The following ZNF454 variants were observed in gnomAD, a reference collection of about 807,000 sequenced individuals.
ZNF454 encodes zinc finger protein 454.
Under a neutral mutation model 48.2 loss-of-function variants are expected in ZNF454, and 30 were observed. The ratio of observed to expected loss-of-function variants is 0.62; its 90% CI spans 0.47 to 0.84. The LOEUF is 0.84. Among genes scored for constraint, ZNF454 ranks in the 40% least tolerant of loss-of-function variants. The probability of loss-of-function intolerance (pLI) is 0.00; values close to 1 mark genes in which losing one functional copy is unlikely to be tolerated. For missense variants in ZNF454, 510 were observed against 623.1 expected (o/e 0.82, Z 1.93); for synonymous variants, 204 against 211.4 (o/e 0.97, Z 0.30).
chr5:178,984,176 G>C, the ZNF454 span, among the ~76,000 whole-genome samples: 1 of 151,622 alleles, frequency 6.6e-6, no homozygotes, highest in South Asian at 2.1e-4. Context: ...AAGGCTCCAG[G>C]TGGAAAAAAA....
intron 4 of ZNF454, among the ~76,000 whole-genome samples, chr5:178,954,909 A>T (rs1759688565): frequency 6.6e-6 from 1 of 152,216 alleles, no homozygotes; most frequent in East Asian, 1.9e-4. Context: ...ATTGCTGAGT[A>T]GCCTCCCACT....
the ZNF454 span, among the ~76,000 whole-genome samples, chr5:178,974,264 T>C: frequency 6.6e-6 from 1 of 152,196 alleles, no homozygotes; most frequent in African/African-American, 2.4e-5. Flanking sequence ...TCTTTAGTCA[T>C]GAACTTGTGT....
At chr5:178,979,563 G>A in the ZNF454 span, 8 of 152,208 alleles carry the variant, frequency 5.3e-5, no homozygotes, top group Admixed American at 2.6e-4. Flanking sequence ...TGTGAAAGTC[G>A]TCTGCGGGAA....
At chr5:178,976,074 C>G in the ZNF454 span, 1 of 446,890 alleles carries the variant, frequency 2.2e-6, no homozygotes, top group African/African-American at 2.0e-5. Context: ...AAACACCAGG[C>G]CGACCCCTGC....
At position 178,941,212 on chromosome 5, in the gene ZNF454, GACTCCA is replaced by G. The variant is rs878928981; in HGVS notation, c.-339_-334del. 2 of 359,170 alleles carry G rather than the reference GACTCCA, an allele frequency of 5.6e-6. No homozygotes were observed. Among genetic ancestry groups the G allele is most frequent in the South Asian group, 4.1e-5 (2 of 48,782 alleles). The allele number at this position is 359,170 out of a possible 1,614,324, so 22.2% of individuals were successfully genotyped here. A position where few individuals can be genotyped will look rare whatever the true frequency, so the allele number is the denominator to read the frequency against. On this transcript the variant is annotated 5_prime_UTR_variant, in exon 1 of 5. Transcript: ENST00000519564. This position sits in a 1 kb window ranked among gnomAD's most constrained non-coding sequence, Gnocchi z 5.5. ...AAGCGCAGTTCGGCTCCCGGCTGCA[GACTCCA>G]GCTCATTGTGTTCTGACTGCGATGT...
At chr5:178,957,449 G>A (rs1198957208) in intron 4 of ZNF454, among the ~76,000 whole-genome samples, 1 of 150,640 alleles carries the variant, frequency 6.6e-6, no homozygotes, top group Non-Finnish European at 1.5e-5. Context: ...TTACTCAGTC[G>A]CCCAGGCTGG....
the ZNF454 span, chr5:178,985,498 T>G: frequency 2.6e-5 from 9 of 342,902 alleles, no homozygotes; most frequent in South Asian, 4.4e-5. Flanking sequence ...GGTCAGGAGA[T>G]CGAGACCATC....
the ZNF454 span, chr5:178,981,870 G>C: frequency 2.6e-6 from 4 of 1,553,380 alleles, no homozygotes; most frequent in Non-Finnish European, 3.6e-6. The surrounding 1 kb of genome is among the most constrained non-coding windows in gnomAD (Gnocchi z 5.1). Flanking sequence ...CCATGGAAGA[G>C]GGGACCAGAT....
intron 4 of ZNF454, among the ~76,000 whole-genome samples, chr5:178,958,413 T>G (rs966594750): frequency 1.3e-5 from 2 of 152,266 alleles, no homozygotes; most frequent in African/African-American, 4.8e-5. Context: ...TTGTTGTCAC[T>G]TGGAACAATA....
chr5:178,976,067 C>T, the ZNF454 span: 2 of 442,808 alleles, frequency 4.5e-6, no homozygotes, highest in Non-Finnish European at 9.1e-6. Flanking sequence ...GTCCCCAAAA[C>T]ACCAGGCCGA....
the ZNF454 span, chr5:178,987,422 C>T: frequency 2.2e-6 from 1 of 458,886 alleles, no homozygotes. Flanking sequence ...CGTCCACTGA[C>T]AGAAGAATGG....
the ZNF454 span, chr5:178,986,650 G>C: frequency 6.2e-7 from 1 of 1,602,674 alleles, no homozygotes; most frequent in Non-Finnish European, 8.5e-7. Flanking sequence ...CCAACAGCAG[G>C]GGACGCCCTT....
At chr5:178,986,500 CA>C in the ZNF454 span, 1 of 1,609,864 alleles carries the variant, frequency 6.2e-7, no homozygotes, top group East Asian at 2.2e-5. Flanking sequence ...CGGGGCTGCC[CA>C]GGGGGAGGAC....
the ZNF454 span, among the ~76,000 whole-genome samples, chr5:178,972,848 T>C: frequency 0.11 from 16,842 of 152,022 alleles, 1,355 homozygotes; most frequent in African/African-American, 0.23. Flanking sequence ...GGCAGCAGTT[T>C]TTACCTATCT....
At chr5:178,959,350 C>T (rs1309814203) in intron 4 of ZNF454, among the ~76,000 whole-genome samples, 3 of 152,080 alleles carry the variant, frequency 2.0e-5, no homozygotes, top group Admixed American at 2.0e-4. Context: ...TGTTTCTGGA[C>T]TCTATTCTCT....
chr5:178,986,913 G>C, the ZNF454 span: 2 of 1,614,164 alleles, frequency 1.2e-6, no homozygotes, highest in Non-Finnish European at 1.7e-6. Flanking sequence ...TGGTCGCCTG[G>C]TACTGGAAGA....
chr5:178,969,860 C>A (rs921607434), downstream of ZNF454, among the ~76,000 whole-genome samples: 1 of 152,152 alleles, frequency 6.6e-6, no homozygotes, highest in Non-Finnish European at 1.5e-5. Flanking sequence ...AAACTGCCTC[C>A]TTGTTACCGA....
At chr5:178,960,597 G>A (rs1335609560) in intron 4 of ZNF454, among the ~76,000 whole-genome samples, 1 of 151,434 alleles carries the variant, frequency 6.6e-6, no homozygotes, top group African/African-American at 2.4e-5. Context: ...AGTCATTGAG[G>A]GTGCCATATG....
chr5:178,989,215 T>TGCCC, the ZNF454 span: 3 of 886,706 alleles, frequency 3.4e-6, no homozygotes, highest in Non-Finnish European at 3.2e-6. Flanking sequence ...CTCCCCACCC[T>TGCCC]CACCACCCTC....
Sources: gnomAD v4.1 joint callset for allele counts (sites outside exome capture counted in the v4.1 genomes callset) on GRCh38, gnomAD v4.1.1 for gene constraint, Gnocchi (gnomAD v3.1) non-coding constraint, MANE v1.5 for transcripts, NCBI Gene and HGNC (gene_info 2026-07-23, HGNC 2026-07-21) for gene names.